Variants in NSD3 observed in about 807,000 individuals in gnomAD.
NSD3 encodes the protein nuclear receptor binding SET domain protein 3.
Under a neutral mutation model 160.8 loss-of-function variants are expected in NSD3, and 24 were observed. That is an observed-to-expected ratio of 0.15 (90% CI 0.11 to 0.21). The LOEUF (loss-of-function observed/expected upper bound fraction) is 0.21, where lower values mean the gene tolerates loss of function less well. Ranked by LOEUF, NSD3 falls within the 10% of genes least tolerant of loss-of-function variation. NSD3 has a pLI of 1.00. For missense variants in NSD3, 1,157 were observed against 1,735.9 expected (o/e 0.67, Z 5.93); for synonymous variants, 520 against 600.0 (o/e 0.87, Z 1.95).
intron 22 of NSD3, 69 bp downstream of exon 22, chr8:38,278,237 C>T: frequency 6.9e-7 from 1 of 1,453,408 alleles, no homozygotes; most frequent in South Asian, 1.2e-5. Context: ...CGCGCCCGGC[C>T]AAACAGACTT....
intron 12 of NSD3, among the ~76,000 whole-genome samples, chr8:38,311,941 T>C (rs920868971): frequency 5.3e-5 from 8 of 152,244 alleles, no homozygotes; most frequent in East Asian, 1.9e-4. Context: ...ATCTTTGTCT[T>C]TGATTCATCT....
rs137874762 is a variant in NSD3, at chr8:38,284,410, C to T, written c.3502-2827G>A. ...TTAGGGCAAATTTTCTGTTTTGAGA[C>T]GGAGTTTCACTCTTGTTGCCCAGGC... is the stretch of plus-strand genomic sequence containing the variant. On this transcript the variant is annotated intron_variant, in intron 19 of 23. Coordinates refer to ENST00000317025, the MANE Select transcript of NSD3 (RefSeq NM_023034.2). Among the ~76,000 whole-genome samples the T allele has an allele frequency of 2.1e-3, 325 of 152,246 alleles. 2 individuals are homozygous for T. Among genetic ancestry groups the T allele is most frequent in the African/African-American group, 7.1e-3 (297 of 41,552 alleles).
At chr8:38,287,052 T>C (rs1055611079) in intron 19 of NSD3, among the ~76,000 whole-genome samples, 2 of 152,240 alleles carry the variant, frequency 1.3e-5, no homozygotes, top group African/African-American at 4.8e-5. Context: ...TTGTTCACTA[T>C]TGTTTTCCAA....
At chr8:38,341,365 C>T (rs918550814) in intron 2 of NSD3, among the ~76,000 whole-genome samples, 1 of 151,958 alleles carries the variant, frequency 6.6e-6, no homozygotes, top group African/African-American at 2.4e-5. Flanking sequence ...TGGTGAAACC[C>T]TGTCTCTACT....
intron 16 of NSD3, 125 bp downstream of exon 16, chr8:38,295,668 CTTT>C: frequency 1.4e-6 from 1 of 702,260 alleles, no homozygotes; most frequent in Non-Finnish European, 2.1e-6. Context: ...TGGTTCTTTT[CTTT>C]TTTTTTTTTA....
chr8:38,318,157 G>T lies in NSD3; in HGVS notation c.1855+738C>A. 8.7e-7 allele frequency: 1 copy of T among 1,143,360 alleles called. No homozygotes were observed. Among genetic ancestry groups the T allele is most frequent in the Non-Finnish European group, 1.2e-6 (1 of 804,648 alleles). The allele number at this position is 1,143,360 out of a possible 1,614,324, so 70.8% of individuals were successfully genotyped here. A position where few individuals can be genotyped will look rare whatever the true frequency, so the allele number is the denominator to read the frequency against. ...CCGAGAGGCTGTTCAGTTCTGCTGA[G>T]GATCTCCACGGAGACCATCGCTGCA... On this transcript the variant is annotated intron_variant, in intron 9 of 23. Transcript: ENST00000317025. This position sits in a 1 kb window ranked among gnomAD's most constrained non-coding sequence, Gnocchi z 5.3.
intron 12 of NSD3, 104 bp from the exon 13 acceptor site, chr8:38,305,549 TA>T (rs1487245333): frequency 2.0e-6 from 2 of 1,014,608 alleles, no homozygotes; most frequent in Non-Finnish European, 2.8e-6. Context: ...CAGACTCTAT[TA>T]CTATACTTAA....
Position 38,275,053 on chromosome 8 carries a change from C to T in NSD3, c.*588G>A. 1 of 229,318 alleles carries T rather than the reference C, an allele frequency of 4.4e-6. No individual in the cohort carries two copies. The allele number at this position is 229,318 out of a possible 1,614,324, so 14.2% of individuals were successfully genotyped here. On this transcript the variant is annotated 3_prime_UTR_variant, in exon 24 of 24. Transcript: ENST00000317025. ...TTCAAGAGGCCAGATTTAATACTTC[C>T]ATAGAGCCCTTCTCTAAGCCTATGA...
intron 1 of NSD3, among the ~76,000 whole-genome samples, chr8:38,362,792 C>T (rs1214128972): frequency 6.6e-6 from 1 of 152,136 alleles, no homozygotes; most frequent in East Asian, 1.9e-4. Flanking sequence ...GTATACAAAA[C>T]CTACATTCAC....
At position 38,317,055 on chromosome 8, in the gene NSD3, C is replaced by T. The variant is rs1809684547; in HGVS notation, c.1856-1013G>A. On this transcript the variant is annotated intron_variant, in intron 9 of 23. Coordinates refer to ENST00000317025, the MANE Select transcript of NSD3 (RefSeq NM_023034.2). This position sits in a 1 kb window ranked among gnomAD's most constrained non-coding sequence, Gnocchi z 5.3. ...CAAACAGACATCTAGATCAACCCAG[C>T]AAGCTATGGTGGAAGTGTGCAGTCC... 1 of 1,060,044 alleles carries T rather than the reference C, an allele frequency of 9.4e-7. No individual in the cohort carries two copies. The highest frequency in any genetic ancestry group is 1.6e-5 in the African/African-American group (1 of 60,764). 65.7% of individuals were successfully genotyped at this position (1,060,044 alleles called of 1,614,324 possible).
chr8:38,374,188 G>C (rs1811330363), intron 1 of NSD3, among the ~76,000 whole-genome samples: 2 of 151,710 alleles, frequency 1.3e-5, no homozygotes, highest in South Asian at 4.2e-4. Context: ...GAGGCTAGGA[G>C]AACTGCTTGA....
chr8:38,321,696 G>C lies in NSD3; in HGVS notation c.1709-524C>G, dbSNP rs1437539082. On this transcript the variant is annotated intron_variant, in intron 7 of 23. Transcript: ENST00000317025. This position sits in a 1 kb window ranked among gnomAD's most constrained non-coding sequence, Gnocchi z 4.7. ...TTTGCTGTTGTTATTAATAACAAAAGCAGGAAAAGCAGGGAAGGCAAAAAA... is the reference window on the plus strand; with the variant it reads ...TTTGCTGTTGTTATTAATAACAAAACCAGGAAAAGCAGGGAAGGCAAAAAA... Among the ~76,000 whole-genome samples, 29 of 152,106 alleles carry C rather than the reference G, an allele frequency of 1.9e-4. No homozygotes were observed. The highest frequency in any genetic ancestry group is 1.9e-3 in the Admixed American group (29 of 15,276).
chr8:38,375,594 A>G (rs1231004332), intron 1 of NSD3, among the ~76,000 whole-genome samples: 2 of 152,242 alleles, frequency 1.3e-5, no homozygotes, highest in African/African-American at 4.8e-5. Context: ...TTTTAAAAAA[A>G]GGTTAGATAA....
chr8:38,378,649 A>C lies in NSD3; in HGVS notation c.-45+3150T>G, dbSNP rs192235688. Among the ~76,000 whole-genome samples, 6 of 152,056 alleles carry C rather than the reference A, an allele frequency of 3.9e-5. No homozygotes were observed. The East Asian group carries it at 1.2e-3, about 29-fold the overall frequency. On this transcript the variant is annotated intron_variant, in intron 1 of 23. Coordinates refer to ENST00000317025, the MANE Select transcript of NSD3 (RefSeq NM_023034.2). ...AGAGCGAGACTCCGTCTCAAAACAAAAACAAAAACAAAAAAACACAAAAAT... is the reference window on the plus strand; with the variant it reads ...AGAGCGAGACTCCGTCTCAAAACAACAACAAAAACAAAAAAACACAAAAAT...
At chr8:38,315,841 C>T (rs1227454881) in intron 10 of NSD3, 71 bp downstream of exon 10, 3 of 1,546,936 alleles carry the variant, frequency 1.9e-6, no homozygotes, top group South Asian at 2.5e-5. Flanking sequence ...GTCCTGATTT[C>T]CCCAAATAAA....
intron 7 of NSD3, among the ~76,000 whole-genome samples, chr8:38,326,395 G>T (rs1391116470): frequency 1.3e-5 from 2 of 152,210 alleles, no homozygotes; most frequent in Non-Finnish European, 2.9e-5. Context: ...TGGTATGTGT[G>T]TGCTAATAGA....
At chr8:38,356,270 C>T (rs1459297166) in intron 1 of NSD3, among the ~76,000 whole-genome samples, 4 of 151,344 alleles carry the variant, frequency 2.6e-5, no homozygotes, top group African/African-American at 9.7e-5. Context: ...TTTAAATAAG[C>T]AAAAAAAAGT....
At chr8:38,299,785 C>T in intron 14 of NSD3, 195 bp from the exon 15 acceptor site, 1 of 420,024 alleles carries the variant, frequency 2.4e-6, no homozygotes, top group East Asian at 3.6e-5. Flanking sequence ...CTACTCAATT[C>T]CTTATCCCTA....
intron 12 of NSD3, among the ~76,000 whole-genome samples, chr8:38,312,334 T>C (rs973590652): frequency 6.6e-6 from 1 of 152,224 alleles, no homozygotes; most frequent in African/African-American, 2.4e-5. Flanking sequence ...TTAAATTTTC[T>C]AATAGATGTG....
Sources: gnomAD v4.1 joint callset for allele counts (sites outside exome capture counted in the v4.1 genomes callset) on GRCh38, gnomAD v4.1.1 for gene constraint, Gnocchi (gnomAD v3.1) non-coding constraint, MANE v1.5 for transcripts, NCBI Gene and HGNC (gene_info 2026-07-23, HGNC 2026-07-21) for gene names.